PLD5: variants seen among roughly 807,000 people sequenced by gnomAD.
PLD5 encodes the protein inactive phospholipase D5.
A neutral mutation model predicts 61.1 loss-of-function variants in PLD5; 36 were observed. The observed-to-expected ratio is 0.59, with a 90% confidence interval of 0.45 to 0.78. The LOEUF (loss-of-function observed/expected upper bound fraction) is 0.78. Ranked by LOEUF, PLD5 falls within the 30% of genes least tolerant of loss-of-function variation. The probability of loss-of-function intolerance (pLI) is 0.00; values close to 1 mark genes in which losing one functional copy is unlikely to be tolerated. For synonymous variants in PLD5, 243 were observed against 242.8 expected, an observed-to-expected ratio of 1.00 and a Z score of -0.01; for missense variants, 515 against 644.4, an observed-to-expected ratio of 0.80 and a Z score of 2.17.
chr1:242,471,186 C>T (rs557871173), intron 1 of PLD5, among the ~76,000 whole-genome samples: 13 of 152,334 alleles, frequency 8.5e-5, no homozygotes, highest in African/African-American at 2.9e-4. Context: ...TGCACCTACC[C>T]TTTACACCTC....
At chr1:242,108,116 A>G (rs1661207672) in intron 7 of PLD5, among the ~76,000 whole-genome samples, 2 of 152,100 alleles carry the variant, frequency 1.3e-5, no homozygotes. Context: ...GACTGCCTCC[A>G]CAGGCCACCC....
intron 1 of PLD5, among the ~76,000 whole-genome samples, chr1:242,382,346 C>T (rs1386270693): frequency 6.6e-6 from 1 of 152,042 alleles, no homozygotes; most frequent in Non-Finnish European, 1.5e-5. Context: ...AATGGAGATA[C>T]ACATGAAAAG....
intron 1 of PLD5, among the ~76,000 whole-genome samples, chr1:242,494,109 T>C (rs1447219653): frequency 1.6e-4 from 12 of 75,132 alleles, no homozygotes; most frequent in African/African-American, 5.5e-4. Flanking sequence ...TCCTCCCCTC[T>C]CCTCCCCTCT....
intron 4 of PLD5, among the ~76,000 whole-genome samples, chr1:242,242,044 C>T (rs1340555333): frequency 7.0e-6 from 1 of 142,206 alleles, no homozygotes; most frequent in Non-Finnish European, 1.5e-5. Context: ...CACACACACA[C>T]ATATGGTTGA....
At chr1:242,185,629 G>A (rs992004146) in intron 5 of PLD5, among the ~76,000 whole-genome samples, 1 of 152,172 alleles carries the variant, frequency 6.6e-6, no homozygotes, top group African/African-American at 2.4e-5. Flanking sequence ...ATTTGTTAGA[G>A]AATCATACTC....
intron 3 of PLD5, among the ~76,000 whole-genome samples, chr1:242,274,334 T>C (rs1404455735): frequency 6.6e-6 from 1 of 152,230 alleles, no homozygotes. Context: ...GGAGGATCAC[T>C]TGAGGCCAAG....
Position 242,083,350 on chromosome 1 carries a change from A to G in PLD5, c.*6504T>C, listed in dbSNP as rs572536951. Reference sequence around the variant, plus strand: ...CCTTAGGCCGCCCTCTGGCCTGAAAATGAGTCTCTTTGGGTCGGGTACTGA... The same window carrying G: ...CCTTAGGCCGCCCTCTGGCCTGAAAGTGAGTCTCTTTGGGTCGGGTACTGA... On this transcript the variant is annotated 3_prime_UTR_variant, in exon 10 of 10. Coordinates refer to ENST00000536534, the MANE Select transcript of PLD5 (RefSeq NM_001372062.1). The G allele has an allele frequency of 3.3e-5, 5 of 152,258 alleles. No homozygotes were observed. The highest frequency in any genetic ancestry group is 7.3e-5 in the Non-Finnish European group (5 of 68,080). The allele number at this position is 152,258 out of a possible 1,614,324, so 9.4% of individuals were successfully genotyped here.
At chr1:242,203,319 G>A (rs1042108585) in intron 5 of PLD5, among the ~76,000 whole-genome samples, 2 of 151,914 alleles carry the variant, frequency 1.3e-5, no homozygotes, top group Non-Finnish European at 2.9e-5. Flanking sequence ...CCTTTTTTCC[G>A]CCATGAAGCT....
intron 5 of PLD5, among the ~76,000 whole-genome samples, chr1:242,134,588 CGCT>C (rs1558257833): frequency 1.3e-5 from 2 of 152,058 alleles, no homozygotes; most frequent in Non-Finnish European, 2.9e-5. Flanking sequence ...AGTAGAGAAA[CGCT>C]GTAAAAATGT....
intron 4 of PLD5, among the ~76,000 whole-genome samples, chr1:242,252,811 A>G (rs1574614379): frequency 7.1e-6 from 1 of 140,158 alleles, no homozygotes; most frequent in Non-Finnish European, 1.5e-5. Flanking sequence ...ATTCCTCTTC[A>G]GTGCCTTTTT....
intron 9 of PLD5, among the ~76,000 whole-genome samples, chr1:242,098,560 G>A (rs1002935040): frequency 3.9e-5 from 6 of 152,136 alleles, no homozygotes; most frequent in Non-Finnish European, 5.9e-5. Flanking sequence ...CTCTCAACTC[G>A]TCAAAGTCAT....
In PLD5 at chr1:242,407,560, T is replaced by C. The variant is rs530371155; in HGVS notation, c.190-59318A>G. ...CATAGTTTTTTTGTTGTGGTTGTTT[T>C]GTTTTTTTTTTTTTTTTTTGAGACG... On this transcript the variant is annotated intron_variant, in intron 1 of 9. Coordinates refer to ENST00000536534, the MANE Select transcript of PLD5 (RefSeq NM_001372062.1). Among the ~76,000 whole-genome samples, 235 of 117,608 alleles carry C rather than the reference T, an allele frequency of 2.0e-3. 3 individuals carry two copies. The highest frequency in any genetic ancestry group is 8.8e-3 in the African/African-American group (227 of 25,866). The allele number at this position is 117,608 out of a possible 152,430, so 77.2% of individuals were successfully genotyped here.
At chr1:242,425,503 G>A (rs1665369794) in intron 1 of PLD5, among the ~76,000 whole-genome samples, 1 of 152,148 alleles carries the variant, frequency 6.6e-6, no homozygotes, top group Non-Finnish European at 1.5e-5. Flanking sequence ...GTGAGTGAGA[G>A]TGAGTGAATG....
At chr1:242,106,292 C>T (rs1487298690) in intron 8 of PLD5, among the ~76,000 whole-genome samples, 3 of 152,108 alleles carry the variant, frequency 2.0e-5, no homozygotes, top group Non-Finnish European at 2.9e-5. Flanking sequence ...TATGATGTAC[C>T]GCTTTCAGGC....
intron 5 of PLD5, among the ~76,000 whole-genome samples, chr1:242,184,332 C>T (rs554077036): frequency 2.6e-4 from 40 of 152,268 alleles, no homozygotes; most frequent in African/African-American, 9.6e-4. Flanking sequence ...GCCCCAGGCT[C>T]TACCTCACTG....
At chr1:242,482,203 A>G (rs1281278946) in intron 1 of PLD5, among the ~76,000 whole-genome samples, 3 of 152,256 alleles carry the variant, frequency 2.0e-5, no homozygotes, top group African/African-American at 7.2e-5. Context: ...ACAAAGCTGG[A>G]CGGAGAATGA....
intron 2 of PLD5, among the ~76,000 whole-genome samples, chr1:242,288,954 A>T (rs1178601944): frequency 6.6e-6 from 1 of 152,134 alleles, no homozygotes; most frequent in African/African-American, 2.4e-5. Context: ...GCCTATCTCC[A>T]GTTTCTAAAA....
In PLD5 at chr1:242,281,255, T is replaced by C. The variant is rs532341318; in HGVS notation, c.495+7107A>G. The stretch of plus-strand genomic sequence containing the variant: ...TTGATGAAACAAAAGCCCTTGTCTG[T>C]TGGTCAAACTGCATTGATCGCATCA... On this transcript the variant is annotated intron_variant, in intron 3 of 9. Transcript: ENST00000536534. Among the ~76,000 whole-genome samples, 277 of 152,314 alleles carry C rather than the reference T, an allele frequency of 1.8e-3. 3 individuals carry two copies. The highest frequency in any genetic ancestry group is 6.4e-3 in the African/African-American group (264 of 41,558).
At chr1:242,219,191 C>T (rs1269682157) in intron 5 of PLD5, among the ~76,000 whole-genome samples, 2 of 152,036 alleles carry the variant, frequency 1.3e-5, no homozygotes, top group African/African-American at 4.8e-5. Context: ...TGAGGTAGAC[C>T]AAGAAAAATT....
Sources: gnomAD v4.1 joint callset for allele counts (sites outside exome capture counted in the v4.1 genomes callset) on GRCh38, gnomAD v4.1.1 for gene constraint, MANE v1.5 for transcripts, NCBI Gene and HGNC (gene_info 2026-07-23, HGNC 2026-07-21) for gene names.